ZBTB16: variants seen among roughly 807,000 people sequenced by gnomAD.
ZBTB16 encodes zinc finger and BTB domain containing 16.
ZBTB16 carries 8 observed loss-of-function variants against 56.8 expected under a neutral mutation model. The ratio of observed to expected loss-of-function variants is 0.14; its 90% confidence interval spans 0.08 to 0.25. The LOEUF is 0.25. ZBTB16 is among the 10% of genes least tolerant of loss of function. ZBTB16 has a pLI of 1.00. For missense variants in ZBTB16, 625 were observed against 903.0 expected, an observed-to-expected ratio of 0.69 and a Z score of 3.95; for synonymous variants, 363 against 368.5, an observed-to-expected ratio of 0.98 and a Z score of 0.17.
intron 2 of ZBTB16, among the ~76,000 whole-genome samples, chr11:114,093,237 G>C (rs1355891678): frequency 2.6e-5 from 4 of 152,078 alleles, no homozygotes; most frequent in African/African-American, 9.7e-5. Context: ...CAGTGGCACA[G>C]AATGGTTCAA....
At chr11:114,098,341 C>G (rs918430580) in intron 2 of ZBTB16, among the ~76,000 whole-genome samples, 1 of 152,174 alleles carries the variant, frequency 6.6e-6, no homozygotes, top group Admixed American at 6.5e-5. Context: ...ATATATAGTA[C>G]CAGGCGTGTG....
intron 4 of ZBTB16, among the ~76,000 whole-genome samples, chr11:114,239,976 C>T (rs1205828193): frequency 6.6e-6 from 1 of 152,208 alleles, no homozygotes; most frequent in Non-Finnish European, 1.5e-5. Context: ...ATAAGAATGC[C>T]TGCCTTGTAG....
At position 114,121,872 on chromosome 11, in the gene ZBTB16, A is replaced by AGAT. The variant is rs1247747168; in HGVS notation, c.1269-34463_1269-34461dup. On this transcript the variant is annotated intron_variant, in intron 2 of 6. Coordinates refer to ENST00000335953, the MANE Select transcript of ZBTB16 (RefSeq NM_006006.6). ...GGCAACACTTCATTTTGGACTGTCA[A>AGAT]GATGCATTTCCTGAGATGTGAGATG... The AGAT allele has an allele frequency of 2.2e-5, 10 of 455,510 alleles. No homozygotes were observed. The East Asian group carries it at 7.0e-4, about 32-fold the overall frequency. The allele number at this position is 455,510 out of a possible 1,614,324, so 28.2% of individuals were successfully genotyped here. A position where few individuals can be genotyped will look rare whatever the true frequency, so the allele number is the denominator to read the frequency against.
At chr11:114,113,199 G>A (rs111641722) in intron 2 of ZBTB16, among the ~76,000 whole-genome samples, 2 of 152,108 alleles carry the variant, frequency 1.3e-5, no homozygotes, top group African/African-American at 2.4e-5. Context: ...TGTCTCACTC[G>A]TCTTTGAATT....
intron 2 of ZBTB16, among the ~76,000 whole-genome samples, chr11:114,065,329 A>G (rs1258104266): frequency 1.3e-5 from 2 of 152,074 alleles, no homozygotes; most frequent in Non-Finnish European, 2.9e-5. Context: ...ATAACCATTC[A>G]TTGAGCTCTT....
intron 4 of ZBTB16, among the ~76,000 whole-genome samples, chr11:114,213,642 A>G (rs1384875801): frequency 6.6e-6 from 1 of 152,212 alleles, no homozygotes. Flanking sequence ...CAAGATGAAC[A>G]TTCCTGTGTC....
At chr11:114,062,018 T>C (rs1384923744) in intron 1 of ZBTB16, among the ~76,000 whole-genome samples, 1 of 152,174 alleles carries the variant, frequency 6.6e-6, no homozygotes, top group Non-Finnish European at 1.5e-5. Context: ...TCTTCGTTTT[T>C]TAGATCCTCC....
At chr11:114,201,886 T>C (rs1943744942) in intron 4 of ZBTB16, among the ~76,000 whole-genome samples, 1 of 152,246 alleles carries the variant, frequency 6.6e-6, no homozygotes, top group African/African-American at 2.4e-5. Context: ...ATTTTAAAAA[T>C]TAAAGTCACT....
At chr11:114,230,045 C>T (rs1944405760) in intron 4 of ZBTB16, among the ~76,000 whole-genome samples, 2 of 152,050 alleles carry the variant, frequency 1.3e-5, no homozygotes, top group South Asian at 4.2e-4. Flanking sequence ...GAAGGGTGAA[C>T]GTTGGTGGTC....
chr11:114,127,312 T>C (rs1941534747), intron 2 of ZBTB16, among the ~76,000 whole-genome samples: 1 of 152,184 alleles, frequency 6.6e-6, no homozygotes, highest in Admixed American at 6.5e-5. Context: ...CTGAGCCACG[T>C]GCATTGGACT....
At chr11:114,087,664 C>T (rs1305638788) in intron 2 of ZBTB16, among the ~76,000 whole-genome samples, 1 of 152,196 alleles carries the variant, frequency 6.6e-6, no homozygotes, top group Non-Finnish European at 1.5e-5. Context: ...CTTCCCTGAG[C>T]AGAGTAGGGC....
At chr11:114,125,521 A>G (rs1173102869) in intron 2 of ZBTB16, among the ~76,000 whole-genome samples, 1 of 151,200 alleles carries the variant, frequency 6.6e-6, no homozygotes, top group Non-Finnish European at 1.5e-5. Context: ...ATTCCACATG[A>G]TGTCATTCTT....
chr11:114,197,786 G>C (rs1034524971), intron 4 of ZBTB16, among the ~76,000 whole-genome samples: 8 of 152,062 alleles, frequency 5.3e-5, no homozygotes, highest in African/African-American at 1.9e-4. Flanking sequence ...AGAAGGCAGA[G>C]GATTTAAAAG....
At chr11:114,217,239 A>G (rs1233016752) in intron 4 of ZBTB16, among the ~76,000 whole-genome samples, 1 of 152,220 alleles carries the variant, frequency 6.6e-6, no homozygotes, top group Non-Finnish European at 1.5e-5. Context: ...TTATCCACAG[A>G]TGACAAGGAG....
intron 2 of ZBTB16, among the ~76,000 whole-genome samples, chr11:114,122,424 A>G (rs546408718): frequency 1.3e-5 from 2 of 152,340 alleles, no homozygotes; most frequent in Non-Finnish European, 2.9e-5. Flanking sequence ...TGGCTCTTAA[A>G]GATCACGACG....
At chr11:114,232,352 A>C (rs984692362) in intron 4 of ZBTB16, among the ~76,000 whole-genome samples, 3 of 152,208 alleles carry the variant, frequency 2.0e-5, no homozygotes, top group Admixed American at 2.0e-4. Context: ...GAGAGTAAAC[A>C]GGTGCCTGTC....
intron 2 of ZBTB16, among the ~76,000 whole-genome samples, chr11:114,077,054 G>A (rs1430640105): frequency 6.6e-6 from 1 of 152,182 alleles, no homozygotes; most frequent in Non-Finnish European, 1.5e-5. Context: ...TTAGTGGCAA[G>A]CAGATCATGT....
At chr11:114,068,831 C>T (rs1302130729) in intron 2 of ZBTB16, among the ~76,000 whole-genome samples, 3 of 152,210 alleles carry the variant, frequency 2.0e-5, no homozygotes, top group Non-Finnish European at 4.4e-5. Context: ...AGGCCAGGAG[C>T]ACCTGATCAT....
chr11:114,077,302 C>T (rs1939606528), intron 2 of ZBTB16, among the ~76,000 whole-genome samples: 2 of 152,120 alleles, frequency 1.3e-5, no homozygotes, highest in South Asian at 2.1e-4. Flanking sequence ...AGCCACTCTC[C>T]TCTTGGTTCT....
Sources: gnomAD v4.1 joint callset for allele counts (sites outside exome capture counted in the v4.1 genomes callset) on GRCh38, gnomAD v4.1.1 for gene constraint, MANE v1.5 for transcripts, NCBI Gene and HGNC (gene_info 2026-07-23, HGNC 2026-07-21) for gene names.